Variants in PCDH11X observed in about 807,000 individuals in gnomAD.
PCDH11X encodes protocadherin 11 X-linked, also known as protocadherin-11 X-linked.
In PCDH11X, 18 loss-of-function variants were observed where a neutral mutation model predicts 53.3. The ratio of observed to expected loss-of-function variants is 0.34; its 90% CI spans 0.23 to 0.50. The LOEUF (loss-of-function observed/expected upper bound fraction) is 0.50. Ranked by LOEUF, PCDH11X falls within the 20% of genes least tolerant of loss-of-function variation. The pLI, the probability that PCDH11X is intolerant of heterozygous loss-of-function variation, is 0.98. For synonymous variants in PCDH11X, 279 were observed against 393.3 expected (o/e 0.71, Z 3.44); for missense variants, 570 against 1,032.4 (o/e 0.55, Z 6.14).
intron 10 of PCDH11X, among the ~76,000 whole-genome samples, chrX:92,512,628 C>T (rs1434853231): frequency 4.5e-5 from 5 of 111,911 alleles, no homozygotes; most frequent in African/African-American, 1.3e-4. Flanking sequence ...TGCATCTATA[C>T]GCCACAAAAC....
intron 8 of PCDH11X, among the ~76,000 whole-genome samples, chrX:92,369,745 G>A (rs1320397839): frequency 1.8e-5 from 2 of 111,315 alleles, no homozygotes; most frequent in African/African-American, 6.5e-5. Context: ...CCTTGGCTAG[G>A]GGAGGAAGGT....
chrX:92,268,706 T>C (rs1292834324), intron 8 of PCDH11X, among the ~76,000 whole-genome samples: 3 of 111,692 alleles, frequency 2.7e-5, no homozygotes, highest in Non-Finnish European at 3.8e-5. Context: ...TTTATTTAAC[T>C]CAATGGTAAT....
chrX:92,256,028 C>A (rs545391183), intron 7 of PCDH11X, among the ~76,000 whole-genome samples: 1 of 112,344 alleles, frequency 8.9e-6, no homozygotes, highest in Non-Finnish European at 1.9e-5. Context: ...CGCCCCTCCC[C>A]CAGCCTCGCT....
At chrX:92,064,400 T>C (rs751273425) in intron 6 of PCDH11X, among the ~76,000 whole-genome samples, 1 of 110,006 alleles carries the variant, frequency 9.1e-6, no homozygotes, top group Non-Finnish European at 1.9e-5. Context: ...GATTGTACAG[T>C]TCAACATGTT....
intron 6 of PCDH11X, among the ~76,000 whole-genome samples, chrX:92,127,518 CTTT>C (rs35828888): frequency 1.1e-5 from 1 of 88,437 alleles, no homozygotes. Flanking sequence ...TTTCCCCCCA[CTTT>C]TTTTTTTTTT....
In PCDH11X at chrX:91,847,736, TCATCAAG is replaced by T. The variant is rs1440538699; in HGVS notation, c.540+11694_540+11700del. Among the ~76,000 whole-genome samples, 12 of 111,680 alleles carry T rather than the reference TCATCAAG, an allele frequency of 1.1e-4. No homozygotes were observed. The South Asian group carries it at 3.8e-3, about 35-fold the overall frequency. ...GAATTGTCTAACAGCAGAAACGCTGTCATCAAGCTTACATAGGGTGAATTTTTTTCTG... is the reference window on the plus strand; with the variant it reads ...GAATTGTCTAACAGCAGAAACGCTGTCTTACATAGGGTGAATTTTTTTCTG... On this transcript the variant is annotated intron_variant, in intron 5 of 10. Coordinates refer to ENST00000682573, the MANE Select transcript of PCDH11X (RefSeq NM_032968.5).
chrX:91,991,491 AT>A (rs1024259436), intron 6 of PCDH11X, among the ~76,000 whole-genome samples: 1 of 93,719 alleles, frequency 1.1e-5, no homozygotes, highest in Admixed American at 1.1e-4. Flanking sequence ...TCTCTGGCCA[AT>A]GTCTGGCTTT....
chrX:92,015,545 A>G (rs1485053973), intron 6 of PCDH11X, among the ~76,000 whole-genome samples: 2 of 112,579 alleles, frequency 1.8e-5, no homozygotes, highest in African/African-American at 3.2e-5. Flanking sequence ...CAATTCAACA[A>G]TGTTCACCGC....
At position 91,968,016 on chromosome X, in the gene PCDH11X, C is replaced by T. The variant is rs773307770; in HGVS notation, c.3033+88743C>T. On this transcript the variant is annotated intron_variant, in intron 6 of 10. Transcript: ENST00000682573. Reference sequence around the variant, plus strand: ...GAACTTGAACAATGTCTTCTGAATGCGATCCATTTGCTTTTGTTTCACGTC... The same window carrying T: ...GAACTTGAACAATGTCTTCTGAATGTGATCCATTTGCTTTTGTTTCACGTC... Among the ~76,000 whole-genome samples, 464 of 111,709 alleles carry T rather than the reference C, an allele frequency of 4.2e-3. 1 individual carries two copies. The highest frequency in any genetic ancestry group is 7.4e-3 in the Non-Finnish European group (391 of 53,142).
At chrX:92,058,763 A>G (rs930499285) in intron 6 of PCDH11X, among the ~76,000 whole-genome samples, 1 of 104,935 alleles carries the variant, frequency 9.5e-6, no homozygotes, top group African/African-American at 3.3e-5. Context: ...CAGAATTCAG[A>G]TTTACAGTAA....
At chrX:91,821,600 A>G (rs1168515834) in intron 4 of PCDH11X, among the ~76,000 whole-genome samples, 1 of 106,632 alleles carries the variant, frequency 9.4e-6, no homozygotes, top group Non-Finnish European at 1.9e-5. Flanking sequence ...TTCTAGATAT[A>G]CAATCATGTC....
At chrX:92,441,689 G>C (rs1341434657) in intron 9 of PCDH11X, among the ~76,000 whole-genome samples, 1 of 112,525 alleles carries the variant, frequency 8.9e-6, no homozygotes, top group South Asian at 3.7e-4. Context: ...TGCTGCAGGA[G>C]CAGCACCCTC....
chrX:92,271,564 G>C (rs776048851), intron 8 of PCDH11X, among the ~76,000 whole-genome samples: 17 of 111,907 alleles, frequency 1.5e-4, no homozygotes, highest in Non-Finnish European at 2.8e-4. Flanking sequence ...TATGTAAATG[G>C]AGAGGATGAA....
intron 8 of PCDH11X, among the ~76,000 whole-genome samples, chrX:92,266,869 C>T (rs1255292447): frequency 5.5e-5 from 6 of 109,480 alleles, no homozygotes; most frequent in Non-Finnish European, 1.1e-4. Flanking sequence ...CTCAGCCTCC[C>T]GATTAGCTGG....
intron 8 of PCDH11X, among the ~76,000 whole-genome samples, chrX:92,346,297 C>T (rs2069894864): frequency 9.0e-6 from 1 of 111,264 alleles, no homozygotes; most frequent in Non-Finnish European, 1.9e-5. Context: ...TGTTTAATGT[C>T]AGTGAACCAT....
At chrX:92,249,418 G>A (rs1315810980) in intron 7 of PCDH11X, among the ~76,000 whole-genome samples, 3 of 111,866 alleles carry the variant, frequency 2.7e-5, no homozygotes, top group African/African-American at 9.7e-5. Context: ...ATCTTTAGCA[G>A]CAAATAAAGG....
chrX:92,042,468 G>C (rs2063222788), intron 6 of PCDH11X, among the ~76,000 whole-genome samples: 1 of 103,303 alleles, frequency 9.7e-6, no homozygotes, highest in African/African-American at 3.6e-5. Flanking sequence ...AAAATCTTCT[G>C]ACAAAATTTT....
chrX:92,285,983 T>A (rs748884630), intron 8 of PCDH11X, among the ~76,000 whole-genome samples: 2 of 112,781 alleles, frequency 1.8e-5, no homozygotes, highest in Admixed American at 1.9e-4. Flanking sequence ...AAGGCACAGA[T>A]CGCTCATGCT....
intron 5 of PCDH11X, among the ~76,000 whole-genome samples, chrX:91,849,860 A>G (rs1937908163): frequency 1.0e-5 from 1 of 99,356 alleles, no homozygotes; most frequent in Admixed American, 1.1e-4. Flanking sequence ...TTCATTATTC[A>G]GAAGTTAATA....
Sources: gnomAD v4.1 joint callset for allele counts (sites outside exome capture counted in the v4.1 genomes callset) on GRCh38, gnomAD v4.1.1 for gene constraint, MANE v1.5 for transcripts, NCBI Gene and HGNC (gene_info 2026-07-23, HGNC 2026-07-21) for gene names.